Variants in CLIC5 observed in about 807,000 individuals in gnomAD.
The protein encoded by CLIC5 is chloride intracellular channel protein 5.
In CLIC5, 20 loss-of-function variants were observed where a neutral mutation model predicts 24.7. The observed-to-expected ratio is 0.81, with a 90% CI of 0.57 to 1.18. CLIC5 has a LOEUF of 1.18. Ranked by LOEUF, CLIC5 falls within the 50% of genes most tolerant of loss-of-function variation. The pLI is 0.00. For synonymous variants in CLIC5, 159 were observed against 135.6 expected (o/e 1.17, Z -1.20); for missense variants, 341 against 326.1 (o/e 1.05, Z -0.35).
At chr6:46,018,539 T>C (rs542478341), upstream of CLIC5, among the ~76,000 whole-genome samples, 1 of 152,240 alleles carries the variant, frequency 6.6e-6, no homozygotes, top group African/African-American at 2.4e-5. Context: ...GTGCATATTT[T>C]CCATTTTCAA....
chr6:45,912,844 C>G, intron 5 of CLIC5: 1 of 778,998 alleles, frequency 1.3e-6, no homozygotes, highest in Non-Finnish European at 2.2e-6. Flanking sequence ...GGCTTGGCCC[C>G]AAATCCAAAA....
intron 4 of CLIC5, among the ~76,000 whole-genome samples, chr6:45,916,779 A>G (rs987298001): frequency 6.6e-6 from 1 of 152,206 alleles, no homozygotes; most frequent in African/African-American, 2.4e-5. Flanking sequence ...GACAGGAATC[A>G]TTGTTGATTC....
chr6:45,898,080 TG>T (rs1762420860), downstream of CLIC5, among the ~76,000 whole-genome samples: 1 of 152,204 alleles, frequency 6.6e-6, no homozygotes, highest in African/African-American at 2.4e-5. Context: ...TGTTTTGCTT[TG>T]TTTGAGAGGG....
At position 45,998,440 on chromosome 6, in the gene CLIC5, T is replaced by C. The variant is rs1279556977; in HGVS notation, c.63+17040A>G. On this transcript the variant is annotated intron_variant, in intron 1 of 5. Coordinates refer to ENST00000339561, the MANE Select transcript of CLIC5 (RefSeq NM_016929.5). ...GGGGAAGTGAGAGGAGGCGTAGTGGTAGAATTAGGGAATGAGTTCTGTCTA... is the reference window on the plus strand; with the variant it reads ...GGGGAAGTGAGAGGAGGCGTAGTGGCAGAATTAGGGAATGAGTTCTGTCTA... Among the ~76,000 whole-genome samples the C allele has an allele frequency of 2.0e-5, 3 of 152,242 alleles. No individual in the cohort carries two copies. The East Asian group carries it at 5.8e-4, about 29-fold the overall frequency.
At chr6:45,921,807 C>G (rs1763272122) in intron 4 of CLIC5, among the ~76,000 whole-genome samples, 1 of 152,182 alleles carries the variant, frequency 6.6e-6, no homozygotes, top group Admixed American at 6.5e-5. Context: ...CTCCAGGCCA[C>G]ATGGGTGTGT....
At chr6:45,958,445 T>TACACACACACACACACACATACACACAC (rs1414421064) in intron 1 of CLIC5, among the ~76,000 whole-genome samples, 3 of 76,448 alleles carry the variant, frequency 3.9e-5, no homozygotes, top group Non-Finnish European at 8.3e-5. Flanking sequence ...TATATATATA[T>TACACACACACACACACACATACACACAC]ATATATATAT....
At chr6:46,028,821 T>G (rs556381676) in intron 1 of CLIC5, among the ~76,000 whole-genome samples, 2 of 152,336 alleles carry the variant, frequency 1.3e-5, no homozygotes, top group South Asian at 4.1e-4. Context: ...TCACCCAAAG[T>G]CCATAGTTTC....
At chr6:46,116,456 T>C in the CLIC5 span, among the ~76,000 whole-genome samples, 1 of 152,220 alleles carries the variant, frequency 6.6e-6, no homozygotes, top group Non-Finnish European at 1.5e-5. Context: ...TCTCGAGCTA[T>C]TTGAGCTTTC....
At chr6:45,926,514 C>T (rs879343055) in intron 4 of CLIC5, among the ~76,000 whole-genome samples, 2 of 151,924 alleles carry the variant, frequency 1.3e-5, no homozygotes, top group African/African-American at 2.4e-5. Context: ...CCTCGGCTTC[C>T]CAAAGTGCTG....
intron 1 of CLIC5, among the ~76,000 whole-genome samples, chr6:46,073,515 C>A (rs1385255099): frequency 6.6e-6 from 1 of 152,196 alleles, no homozygotes; most frequent in Non-Finnish European, 1.5e-5. Context: ...TTGAACTAAT[C>A]TTTGAAACAA....
chr6:45,912,777 T>C, intron 5 of CLIC5: 1 of 1,361,900 alleles, frequency 7.3e-7, no homozygotes, highest in Non-Finnish European at 1.0e-6. Flanking sequence ...GGGTGGGGCA[T>C]GCAGTAGTTA....
chr6:45,917,833 G>A (rs1168187901), intron 4 of CLIC5, among the ~76,000 whole-genome samples: 1 of 152,216 alleles, frequency 6.6e-6, no homozygotes, highest in Admixed American at 6.5e-5. Flanking sequence ...GTAGGAACAA[G>A]GGGGATGTGA....
chr6:45,988,742 G>T (rs751952927), intron 1 of CLIC5, among the ~76,000 whole-genome samples: 1 of 152,238 alleles, frequency 6.6e-6, no homozygotes, highest in African/African-American at 2.4e-5. Context: ...AACAAAGGCT[G>T]CTGCTGACTT....
intron 1 of CLIC5, among the ~76,000 whole-genome samples, chr6:45,957,175 G>A (rs776618988): frequency 3.9e-5 from 6 of 152,162 alleles, no homozygotes; most frequent in Non-Finnish European, 8.8e-5. Context: ...GTGGTGGTGG[G>A]AGGATAAGGG....
chr6:45,949,093 A>G (rs528884460), intron 3 of CLIC5, among the ~76,000 whole-genome samples, 163 bp downstream of exon 3: 33 of 152,220 alleles, frequency 2.2e-4, no homozygotes, highest in African/African-American at 6.7e-4. Context: ...TGAGATTGGC[A>G]GCCCTTTGGG....
chr6:45,969,242 G>T (rs1765114941), intron 1 of CLIC5, among the ~76,000 whole-genome samples: 1 of 152,194 alleles, frequency 6.6e-6, no homozygotes, highest in Non-Finnish European at 1.5e-5. Context: ...AGCTGGATCT[G>T]CAGGGGAGGG....
intron 1 of CLIC5, among the ~76,000 whole-genome samples, chr6:45,984,084 G>C (rs994415251): frequency 1.3e-5 from 2 of 152,212 alleles, no homozygotes; most frequent in African/African-American, 4.8e-5. Context: ...AAGAGTCAAA[G>C]AGAGTGTGGG....
chr6:45,957,171 G>C (rs1016516945), intron 1 of CLIC5, among the ~76,000 whole-genome samples: 2 of 152,176 alleles, frequency 1.3e-5, no homozygotes, highest in African/African-American at 4.8e-5. Context: ...GGTGGTGGTG[G>C]TGGGAGGATA....
the CLIC5 span, among the ~76,000 whole-genome samples, chr6:46,103,702 T>C: frequency 1.3e-5 from 2 of 152,164 alleles, no homozygotes; most frequent in South Asian, 4.2e-4. Flanking sequence ...CATGTGCACA[T>C]TAACAAATTT....
Sources: gnomAD v4.1 joint callset for allele counts (sites outside exome capture counted in the v4.1 genomes callset) on GRCh38, gnomAD v4.1.1 for gene constraint, MANE v1.5 for transcripts, NCBI Gene and HGNC (gene_info 2026-07-23, HGNC 2026-07-21) for gene names.